Variants in KHDRBS1 observed in about 807,000 individuals in gnomAD.
KHDRBS1 encodes KH domain-containing, RNA-binding, signal transduction-associated protein 1.
KHDRBS1 carries 7 observed loss-of-function variants against 48.4 expected under a neutral mutation model. The observed-to-expected ratio is 0.14, with a 90% confidence interval of 0.08 to 0.27. The LOEUF (loss-of-function observed/expected upper bound fraction) is 0.27. Ranked by LOEUF, KHDRBS1 falls within the 10% of genes least tolerant of loss-of-function variation. KHDRBS1 has a pLI of 1.00. For missense variants in KHDRBS1, 458 were observed against 601.2 expected (o/e 0.76, Z 2.49); for synonymous variants, 241 against 235.8 (o/e 1.02, Z -0.20).
intron 10 of KHDRBS1, among the ~76,000 whole-genome samples, chr1:32,051,422 C>T (rs1639420513): frequency 6.6e-6 from 1 of 152,174 alleles, no homozygotes; most frequent in Non-Finnish European, 1.5e-5. Context: ...ATTATTTTTA[C>T]ATCACTGAGA....
Position 32,033,173 on chromosome 1 carries a change from T to A in KHDRBS1, c.625-15T>A, listed in dbSNP as rs370739000. 25 of 1,611,174 alleles carry A rather than the reference T, an allele frequency of 1.6e-5. No homozygotes were observed. In the African/African-American group the frequency reaches 2.7e-4, roughly 17 times the overall value. On this transcript the variant is annotated splice_polypyrimidine_tract_variant and intron_variant, in intron 3 of 8. Coordinates refer to ENST00000327300, the MANE Select transcript of KHDRBS1 (RefSeq NM_006559.3). ...CCTAGTCCATGGTGTGACATTTCTC[T>A]GCATTTTTCCATAGGAGGAAGAGCT...
chr1:32,030,248 A>G, intron 1 of KHDRBS1, 50 bp from the exon 2 acceptor site: 2 of 1,544,000 alleles, frequency 1.3e-6, no homozygotes, highest in Non-Finnish European at 8.8e-7. Flanking sequence ...GCAGACTTCA[A>G]AATTTGCATT....
chr1:32,025,971 G>A (rs1314831840), intron 1 of KHDRBS1, among the ~76,000 whole-genome samples: 4 of 149,068 alleles, frequency 2.7e-5, no homozygotes, highest in Non-Finnish European at 4.4e-5. Context: ...TAGAGACAGG[G>A]TCTCGCTGTG....
intron 1 of KHDRBS1, among the ~76,000 whole-genome samples, chr1:32,017,313 A>G (rs532002676): frequency 4.2e-4 from 64 of 152,040 alleles, no homozygotes; most frequent in Middle Eastern, 6.8e-3. Flanking sequence ...GTAGACTTCT[A>G]TGTTAGCCAG....
intron 1 of KHDRBS1, among the ~76,000 whole-genome samples, chr1:32,029,405 C>A (rs890875019): frequency 1.3e-5 from 2 of 152,192 alleles, no homozygotes; most frequent in African/African-American, 4.8e-5. Flanking sequence ...CGCCTGTAAT[C>A]CCAGCACTTT....
chr1:32,048,808 A>AATGTCTTTATC, downstream of KHDRBS1, among the ~76,000 whole-genome samples: 1 of 152,098 alleles, frequency 6.6e-6, no homozygotes, highest in African/African-American at 2.4e-5. Context: ...GCCCATTTAA[A>AATGTCTTTATC]ATGTCTTTAT....
rs1475740689 is a variant in KHDRBS1, at chr1:32,025,713, TCTTCCCTCCCTCC to T, written c.383-4575_383-4563del. ...CTGCCTCCCTTCCTGCCCCCTCCCT[TCTTCCCTCCCTCC>T]CTTCCCTCCTTCCTTCCTCCCTTTC... On this transcript the variant is annotated intron_variant, in intron 1 of 8. Transcript: ENST00000327300. 6.9e-5 allele frequency among the ~76,000 whole-genome samples: 8 copies of T among 115,904 alleles called. 1 individual carries two copies. Among genetic ancestry groups the T allele is most frequent in the African/African-American group, 2.3e-4 (7 of 29,870 alleles). 76.0% of individuals were successfully genotyped at this position (115,904 alleles called of 152,430 possible). A position where few individuals can be genotyped will look rare whatever the true frequency, so the allele number is the denominator to read the frequency against.
intron 1 of KHDRBS1, among the ~76,000 whole-genome samples, chr1:32,020,877 G>T (rs899089018): frequency 6.6e-6 from 1 of 152,150 alleles, no homozygotes; most frequent in Non-Finnish European, 1.5e-5. Context: ...GACTGAGGTG[G>T]TGGTCACATG....
At chr1:32,049,956 C>G (rs989469861) in intron 10 of KHDRBS1, among the ~76,000 whole-genome samples, 1 of 152,106 alleles carries the variant, frequency 6.6e-6, no homozygotes, top group Non-Finnish European at 1.5e-5. Context: ...CCACCACGCC[C>G]GGCCTGTTTA....
At chr1:32,037,092 G>A (rs1405136901) in intron 5 of KHDRBS1, 49 bp downstream of exon 5, 3 of 1,593,464 alleles carry the variant, frequency 1.9e-6, no homozygotes, top group Non-Finnish European at 2.6e-6. Context: ...TTGACTACTA[G>A]TGTCATCTCT....
intron 1 of KHDRBS1, among the ~76,000 whole-genome samples, chr1:32,029,789 ATTAAC>A (rs1431423890): frequency 2.0e-5 from 3 of 152,370 alleles, no homozygotes; most frequent in East Asian, 3.9e-4. Flanking sequence ...TACGTATTTT[ATTAAC>A]TTAGGTCACA....
intron 1 of KHDRBS1, among the ~76,000 whole-genome samples, chr1:32,018,542 T>G (rs1638789806): frequency 6.9e-6 from 1 of 144,098 alleles, no homozygotes; most frequent in South Asian, 2.2e-4. Context: ...GATCACGAGG[T>G]CAGGAGATCA....
At chr1:32,045,205 A>AT (rs1284441628), downstream of KHDRBS1, 1 of 152,604 alleles carries the variant, frequency 6.6e-6, no homozygotes, top group African/African-American at 2.4e-5. Context: ...TTTACTTAAA[A>AT]TTTCTTAAAA....
chr1:32,054,189 G>T (rs925317575), intron 10 of KHDRBS1, among the ~76,000 whole-genome samples: 1 of 152,174 alleles, frequency 6.6e-6, no homozygotes, highest in Non-Finnish European at 1.5e-5. Context: ...AAGGGGTTTG[G>T]ACTTTATTCT....
intron 1 of KHDRBS1, among the ~76,000 whole-genome samples, chr1:32,016,833 G>A (rs1426570448): frequency 1.3e-5 from 2 of 152,150 alleles, no homozygotes; most frequent in Admixed American, 6.5e-5. Flanking sequence ...CCACCAGAGC[G>A]CAGGAATCTT....
chr1:32,053,445 C>T (rs190163815), intron 10 of KHDRBS1, among the ~76,000 whole-genome samples: 2 of 152,112 alleles, frequency 1.3e-5, no homozygotes, highest in African/African-American at 2.4e-5. Flanking sequence ...GGCTGGAGTG[C>T]GGTGGTGTGA....
downstream of KHDRBS1, chr1:32,045,192 AACTTT>A (rs1639343595): frequency 6.6e-6 from 1 of 152,624 alleles, no homozygotes. Context: ...TTCACAATGA[AACTTT>A]ACTTAAAATT....
intron 10 of KHDRBS1, among the ~76,000 whole-genome samples, chr1:32,057,423 C>T (rs912495809): frequency 6.6e-6 from 1 of 151,928 alleles, no homozygotes; most frequent in African/African-American, 2.4e-5. Flanking sequence ...CCTATGTTAA[C>T]CTCCCAAAGT....
chr1:32,030,434 A>G lies in KHDRBS1; in HGVS notation c.507+12A>G, dbSNP rs763476511. On this transcript the variant is annotated intron_variant, in intron 2 of 8. Transcript: ENST00000327300. ...AGCAGTATCCCAAGGTAAGGCAAAAAGTGCTTTGGATCTTTGAGTTATCTT... is the reference window on the plus strand; with the variant it reads ...AGCAGTATCCCAAGGTAAGGCAAAAGGTGCTTTGGATCTTTGAGTTATCTT... 4 of 1,594,836 alleles carry G rather than the reference A, an allele frequency of 2.5e-6. No homozygotes were observed. Among genetic ancestry groups the G allele is most frequent in the Non-Finnish European group, 1.7e-6 (2 of 1,172,592 alleles).
Sources: allele counts gnomAD v4.1 joint callset (sites outside exome capture counted in the v4.1 genomes callset), GRCh38; gene constraint gnomAD v4.1.1; transcripts MANE v1.5; gene names NCBI Gene and HGNC (gene_info 2026-07-23, HGNC 2026-07-21).